The following MDN1 variants were observed in gnomAD, a reference collection of about 807,000 sequenced individuals.
MDN1 encodes midasin AAA ATPase 1, also known as midasin.
MDN1 carries 266 observed loss-of-function variants against 669.2 expected under a neutral mutation model. The ratio of observed to expected loss-of-function variants is 0.40; its 90% CI spans 0.36 to 0.44. The LOEUF (loss-of-function observed/expected upper bound fraction) is 0.44, where lower values mean the gene tolerates loss of function less well. Among genes scored for constraint, MDN1 ranks in the 20% least tolerant of loss-of-function variants. MDN1 has a pLI of 1.00. For missense variants in MDN1, 5,940 were observed against 6,754.0 expected (o/e 0.88, Z 4.22); for synonymous variants, 2,385 against 2,457.1 (o/e 0.97, Z 0.87).
rs1818389764 is a variant in MDN1, at chr6:89,776,999, C to CACTG, written c.1726-308_1726-305dup. ...GCAAAGAAGAGCAATTAGTGTTGAC[C>CACTG]ACTGGGTACATGGTTCAAGGAGAAC... On this transcript the variant is annotated intron_variant, in intron 11 of 101. Coordinates refer to ENST00000369393, the MANE Select transcript of MDN1 (RefSeq NM_014611.3). 4.6e-5 allele frequency among the ~76,000 whole-genome samples: 7 copies of CACTG among 152,206 alleles called. No homozygotes were observed. The South Asian group carries it at 1.5e-3, about 32-fold the overall frequency.
In MDN1 at chr6:89,673,394, AG is replaced by A; in HGVS notation, c.13315del (p.Leu4439Ter). The A allele has an allele frequency of 6.2e-7, 1 of 1,614,180 alleles. No individual in the cohort carries two copies. Among genetic ancestry groups the A allele is most frequent in the Non-Finnish European group, 8.5e-7 (1 of 1,180,020 alleles). On this transcript the variant is annotated frameshift_variant, in exon 80 of 102. Transcript: ENST00000369393. LOFTEE classifies it high-confidence loss of function. ...LSQVSVHLQG[L>X]ESLFILPGME... Reference sequence around the variant, plus strand: ...CCCTGGAAGAATGAACAAGGACTCTAGGCCCTGCAAATGAACTGACACCTGG... The same window carrying A: ...CCCTGGAAGAATGAACAAGGACTCTAGCCCTGCAAATGAACTGACACCTGG...
intron 45 of MDN1, 68 bp downstream of exon 45, chr6:89,715,585 T>A: frequency 1.1e-6 from 1 of 919,036 alleles, no homozygotes; most frequent in Admixed American, 1.7e-5. Flanking sequence ...AAGGAAGTCC[T>A]ACTGAACGTC....
In MDN1 at chr6:89,713,161, G is replaced by A; in HGVS notation, c.7205C>T (p.Pro2402Leu). Residue 2402 changes from proline to leucine, a missense_variant, in exon 47 of 102, where the codon CCA (proline) becomes CTA (leucine). Transcript: ENST00000369393. The part of the protein sequence containing the change: ...WEVYVCSQHS[P>L]ANRKLVQALL... ...ACTTCATAGTACCTTCCGGTTTGCT[G>A]GTGAATGCTGGGAACAGACATATAC... 1 of 1,612,854 alleles carries A rather than the reference G, an allele frequency of 6.2e-7. No homozygotes were observed. Among genetic ancestry groups the A allele is most frequent in the Non-Finnish European group, 8.5e-7 (1 of 1,179,722 alleles).
At position 89,718,907 on chromosome 6, in the gene MDN1, T is replaced by C. The variant is rs753482482; in HGVS notation, c.6181A>G (p.Met2061Val). The change falls in exon 42 of 102, where the codon ATG becomes GTG. Residue 2061 changes from methionine to valine, a missense_variant. This residue lies in a region of MDN1 where 2,292 missense variants were observed against 2,638.3 expected (regional missense o/e 0.87). Transcript: ENST00000369393. ...GAGGCTGGCCCGACCAGGATGACCA[T>C]CCAGCTCATCTGCACACACTTCATG... ...SIMKCVQMSW[M>V]VILVGPASVG... is the part of the protein sequence containing the mutation. 1 of 1,614,076 alleles carries C rather than the reference T, an allele frequency of 6.2e-7. No individual in the cohort carries two copies. The highest frequency in any genetic ancestry group is 8.5e-7 in the Non-Finnish European group (1 of 1,180,022).
intron 83 of MDN1, among the ~76,000 whole-genome samples, chr6:89,668,423 C>A (rs766798953): frequency 2.6e-5 from 4 of 151,856 alleles, no homozygotes; most frequent in Non-Finnish European, 5.9e-5. Flanking sequence ...TTTGCCAAGA[C>A]AAAAACCTAA....
chr6:89,742,925 C>G (rs1290739483), intron 31 of MDN1, among the ~76,000 whole-genome samples: 1 of 152,054 alleles, frequency 6.6e-6, no homozygotes, highest in African/African-American at 2.4e-5. Context: ...TAATTTCAAG[C>G]ATTTACTAAG....
At chr6:89,732,279 T>C (rs1009633995) in intron 34 of MDN1, among the ~76,000 whole-genome samples, 15 of 148,810 alleles carry the variant, frequency 1.0e-4, no homozygotes, top group Non-Finnish European at 2.1e-4. Context: ...AAAAAGCCAG[T>C]GCTTCAGAAG....
intron 49 of MDN1, among the ~76,000 whole-genome samples, chr6:89,711,482 G>T (rs1407639916): frequency 6.6e-6 from 1 of 152,152 alleles, no homozygotes; most frequent in African/African-American, 2.4e-5. Flanking sequence ...GAGGATGTGT[G>T]TAGGGTATAT....
intron 17 of MDN1, among the ~76,000 whole-genome samples, chr6:89,760,802 AAG>A (rs1817503437): frequency 6.6e-6 from 1 of 152,228 alleles, no homozygotes; most frequent in Admixed American, 6.5e-5. Flanking sequence ...ATGGAACTCA[AAG>A]AAGCAGCCAG....
intron 2 of MDN1, among the ~76,000 whole-genome samples, chr6:89,801,645 G>GTT (rs889072664): frequency 5.7e-5 from 8 of 140,432 alleles, no homozygotes; most frequent in African/African-American, 1.9e-4. Context: ...GTGAGACTCC[G>GTT]TCTCAAAAAA....
chr6:89,662,792 C>G lies in MDN1; in HGVS notation c.14412G>C (p.Glu4804Asp). The stretch of plus-strand genomic sequence containing the variant: ...GGGAGGGGAGAAATCTTTGAATTAC[C>G]TCATCCATTCCTGGTCCTGTTTCTT... ...KTEETGPGMD[E>D]EDSELVAKDD... Residue 4804 changes from glutamate (E) to aspartate (D), a missense_variant and splice_region_variant, in exon 86 of 102, where the codon GAG (glutamate) becomes GAC (aspartate). By Grantham distance (45) the Glu-to-Asp change is conservative (BLOSUM62 2). Transcript: ENST00000369393. The G allele has an allele frequency of 6.2e-7, 1 of 1,614,006 alleles. No individual in the cohort carries two copies. The highest frequency in any genetic ancestry group is 8.5e-7 in the Non-Finnish European group (1 of 1,179,962).
chr6:89,814,377 C>A (rs1768663891), intron 1 of MDN1, among the ~76,000 whole-genome samples: 1 of 146,490 alleles, frequency 6.8e-6, no homozygotes, highest in African/African-American at 2.5e-5. Context: ...GTTCTTTAAT[C>A]CCCCTCCTTT....
At chr6:89,736,174 T>C (rs1322060901) in intron 33 of MDN1, among the ~76,000 whole-genome samples, 2 of 152,218 alleles carry the variant, frequency 1.3e-5, no homozygotes, top group African/African-American at 2.4e-5. Context: ...CCACTTCCCT[T>C]ATTCACCATG....
chr6:89,686,853 T>C, intron 69 of MDN1, 49 bp downstream of exon 69: 2 of 1,605,300 alleles, frequency 1.2e-6, no homozygotes, highest in Non-Finnish European at 1.7e-6. Flanking sequence ...CAGCACTCCA[T>C]TTAGCCGGGA....
chr6:89,754,775 G>C (rs1371082414), intron 20 of MDN1, among the ~76,000 whole-genome samples: 1 of 152,168 alleles, frequency 6.6e-6, no homozygotes, highest in Admixed American at 6.5e-5. Flanking sequence ...CTTGCACTTT[G>C]TGAAATTCAT....
chr6:89,722,094 C>T (rs1007292882), intron 40 of MDN1, among the ~76,000 whole-genome samples: 3 of 152,202 alleles, frequency 2.0e-5, no homozygotes, highest in African/African-American at 7.2e-5. Flanking sequence ...CACCTCCTGC[C>T]TATAGCTACT....
At chr6:89,723,477 G>C in intron 39 of MDN1, 35 bp downstream of exon 39, 1 of 1,235,144 alleles carries the variant, frequency 8.1e-7, no homozygotes. Flanking sequence ...AATACAGCCA[G>C]AAAAAAAAAG....
At chr6:89,666,233 G>A (rs1156781797) in intron 84 of MDN1, among the ~76,000 whole-genome samples, 6 of 152,168 alleles carry the variant, frequency 3.9e-5, no homozygotes, top group African/African-American at 1.4e-4. Flanking sequence ...ACAAAAAAGA[G>A]ATCATGCTTT....
chr6:89,694,031 G>C (rs1318573875), intron 62 of MDN1, 43 bp downstream of exon 62: 3 of 1,473,522 alleles, frequency 2.0e-6, no homozygotes, highest in Non-Finnish European at 2.9e-6. Context: ...ATCAAAAGGA[G>C]AGTCAATAAT....
Sources: gnomAD v4.1 joint callset for allele counts (sites outside exome capture counted in the v4.1 genomes callset) on GRCh38, gnomAD v4.1.1 for gene constraint, gnomAD v4.1.1 regional missense constraint, MANE v1.5 for transcripts, NCBI Gene and HGNC (gene_info 2026-07-23, HGNC 2026-07-21) for gene names.